The following FSD1 variants were observed in gnomAD, a reference collection of about 807,000 sequenced individuals.
FSD1 encodes fibronectin type III and SPRY domain containing 1.
In FSD1, 23 loss-of-function variants were observed where a neutral mutation model predicts 58.2. The observed-to-expected ratio is 0.40, with a 90% CI of 0.28 to 0.56. The LOEUF is 0.56. Ranked by LOEUF, FSD1 falls within the 20% of genes least tolerant of loss-of-function variation. FSD1 has a pLI of 0.54. For synonymous variants in FSD1, 265 were observed against 263.4 expected, an observed-to-expected ratio of 1.01 and a Z score of -0.06; for missense variants, 563 against 670.8, an observed-to-expected ratio of 0.84 and a Z score of 1.78.
intron 6 of FSD1, 183 bp downstream of exon 6, chr19:4,310,779 G>A: frequency 3.2e-6 from 2 of 630,836 alleles, no homozygotes; most frequent in Non-Finnish European, 5.4e-6. Context: ...CCCGCCCCTG[G>A]GTGGAGCCAT....
chr19:4,322,925 G>A (rs1301876817), intron 10 of FSD1, 61 bp from the exon 11 acceptor site: 17 of 1,541,072 alleles, frequency 1.1e-5, no homozygotes, highest in Non-Finnish European at 1.4e-5. Context: ...CTTTGTGGAA[G>A]GGCATCTGTG....
rs376322971 is a variant in FSD1 at position 4,318,915 on chromosome 19, C to T, written c.1003C>T (p.Arg335Trp). Reference protein sequence around the residue: ...PKRMPSGRGGRDRFTAESYTV... With the variant: ...PKRMPSGRGGWDRFTAESYTV... ...GAGGATGCCCTCAGGTCGTGGGGGA[C>T]GGGACCGCTTCACCGCTGAGTCCTA... The change falls in exon 10 of 13, where the codon CGG (arginine) becomes TGG (tryptophan). Residue 335 changes from arginine to tryptophan, a missense_variant. Arg to Trp is a moderately radical substitution (Grantham distance 101). Transcript: ENST00000221856. 23 of 1,613,246 alleles carry T rather than the reference C, an allele frequency of 1.4e-5. No individual in the cohort carries two copies. Among genetic ancestry groups the T allele is most frequent in the East Asian group, 6.7e-5 (3 of 44,850 alleles).
At position 4,323,000 on chromosome 19, in the gene FSD1, G is replaced by T; in HGVS notation, c.1054G>T (p.Asp352Tyr). Residue 352 changes from aspartate to tyrosine, a missense_variant, in exon 11 of 13, where the codon GAC (aspartate) becomes TAC (tyrosine). By Grantham distance (160) the Asp-to-Tyr change is radical (BLOSUM62 -3). Coordinates refer to ENST00000221856, the MANE Select transcript of FSD1 (RefSeq NM_024333.3). ...CTGCGCCACAGGGGACACGCTGATCGACGGCGGGGAGCATTACTGGGAGGT... is the reference window on the plus strand; with the variant it reads ...CTGCGCCACAGGGGACACGCTGATCTACGGCGGGGAGCATTACTGGGAGGT... The part of the protein sequence containing the change: ...SYTVLGDTLI[D>Y]GGEHYWEVRY... The T allele has an allele frequency of 1.2e-6, 2 of 1,610,900 alleles. No homozygotes were observed. Among genetic ancestry groups the T allele is most frequent in the Non-Finnish European group, 1.7e-6 (2 of 1,178,864 alleles).
chr19:4,304,830 G>A (rs1007986197), intron 1 of FSD1, 69 bp downstream of exon 1: 7 of 517,386 alleles, frequency 1.4e-5, no homozygotes, highest in African/African-American at 8.0e-5. Context: ...AGGTGTTGCC[G>A]CAGCGCCCCC....
intron 9 of FSD1, 69 bp downstream of exon 9, chr19:4,318,574 A>C (rs1203968579): frequency 7.1e-7 from 1 of 1,403,862 alleles, no homozygotes; most frequent in Non-Finnish European, 9.6e-7. Flanking sequence ...CACAGAGCCC[A>C]GTGTGGTCAG....
chr19:4,321,807 A>G (rs192894202), intron 10 of FSD1, among the ~76,000 whole-genome samples: 169 of 147,716 alleles, frequency 1.1e-3, no homozygotes, highest in Non-Finnish European at 1.8e-3. Context: ...GGGAGGAATA[A>G]CTTGGATCCC....
At chr19:4,314,894 C>G (rs1971736677) in intron 7 of FSD1, among the ~76,000 whole-genome samples, 1 of 152,222 alleles carries the variant, frequency 6.6e-6, no homozygotes, top group Admixed American at 6.5e-5. Context: ...TCTCTTCTGT[C>G]ACTACGAGGC....
Position 4,323,507 on chromosome 19 carries a change from T to TC in FSD1, c.1381-20dup. 3.7e-6 allele frequency: 3 copies of TC among 818,386 alleles called. No individual in the cohort carries two copies. The highest frequency in any genetic ancestry group is 4.3e-6 in the Non-Finnish European group (2 of 468,600). 50.7% of individuals were successfully genotyped at this position (818,386 alleles called of 1,614,324 possible). On this transcript the variant is annotated intron_variant, in intron 12 of 12. Transcript: ENST00000221856. This position sits in a 1 kb window ranked among gnomAD's most constrained non-coding sequence, Gnocchi z 7.7. ...GCGCTGGGGTTTGAAGCTGAGCCCC[T>TC]CCCCCCTCCCCCCGCTGTCCCTCAG...
intron 7 of FSD1, among the ~76,000 whole-genome samples, chr19:4,316,537 ATTAT>A (rs557791083): frequency 6.5e-4 from 99 of 151,806 alleles, no homozygotes; most frequent in Non-Finnish European, 1.2e-3. Context: ...TTTATTTTTT[ATTAT>A]TTATTTATTT....
At position 4,318,471 on chromosome 19, in the gene FSD1, G is replaced by A. The variant is rs1333279548; in HGVS notation, c.925G>A (p.Gly309Arg). Residue 309 changes from glycine to arginine, a missense_variant, in exon 9 of 13, where the codon GGG becomes AGG. Coordinates refer to ENST00000221856, the MANE Select transcript of FSD1 (RefSeq NM_024333.3). ...CAAGGCTCGCGAGAAAGATGGCAAG[G>A]GGCGGACGGCGTCTCCCATCAACTC... The part of the protein sequence containing the change: ...DIKAREKDGK[G>R]RTASPINSPA... 1.2e-6 allele frequency: 2 copies of A among 1,613,186 alleles called. No homozygotes were observed. Among genetic ancestry groups the A allele is most frequent in the Non-Finnish European group, 1.7e-6 (2 of 1,179,644 alleles).
Position 4,323,428 on chromosome 19 carries a change from G to A in FSD1, c.1372G>A (p.Ala458Thr). 7 of 1,613,650 alleles carry A rather than the reference G, an allele frequency of 4.3e-6. No individual in the cohort carries two copies. The South Asian group carries it at 4.4e-5, about 10-fold the overall frequency. Residue 458 changes from alanine (A) to threonine (T), a missense_variant, in exon 12 of 13, where the codon GCT becomes ACT. Transcript: ENST00000221856. The surrounding 1 kb of genome is among the most constrained non-coding windows in gnomAD (Gnocchi z 7.7). ...CAGGTTCACACAGCCGCTGCTGCCT[G>A]CTTTCACGGTGAGCTGCCCTCCGCG... The part of the protein sequence containing the change: ...KTRFTQPLLP[A>T]FTVWCGSFQV...
At position 4,317,401 on chromosome 19, in the gene FSD1, G is replaced by C. The variant is rs559505514; in HGVS notation, c.799+121G>C. 11 of 654,996 alleles carry C rather than the reference G, an allele frequency of 1.7e-5. No individual in the cohort carries two copies. The African/African-American group carries it at 2.0e-4, about 12-fold the overall frequency. The allele number at this position is 654,996 out of a possible 1,614,324, so 40.6% of individuals were successfully genotyped here. On this transcript the variant is annotated intron_variant, in intron 8 of 12. Coordinates refer to ENST00000221856, the MANE Select transcript of FSD1 (RefSeq NM_024333.3). ...TGGCTGCCAGGAAGCTCAAAGCTCC[G>C]TCCACAGTTGGCTTCCTTAGCCTGA...
rs182808531 is a variant in FSD1, at chr19:4,312,729, C to T, written c.700+678C>T. ...CTGAGGCAGGAGAATGGCGTGAACT[C>T]GGGAGGCGGAGCTTGCAGTGAGCCT... On this transcript the variant is annotated intron_variant, in intron 7 of 12. Coordinates refer to ENST00000221856, the MANE Select transcript of FSD1 (RefSeq NM_024333.3). Among the ~76,000 whole-genome samples, 457 of 151,772 alleles carry T rather than the reference C, an allele frequency of 3.0e-3. 1 individual carries two copies. The highest frequency in any genetic ancestry group is 0.012 in the South Asian group (58 of 4,802).
intron 4 of FSD1, among the ~76,000 whole-genome samples, chr19:4,309,559 C>A (rs1394015078): frequency 1.3e-5 from 2 of 152,166 alleles, no homozygotes; most frequent in Non-Finnish European, 2.9e-5. Context: ...TTGGCAAATA[C>A]CTTCCTCGAG....
chr19:4,315,832 T>A (rs1799107464), intron 7 of FSD1, among the ~76,000 whole-genome samples: 1 of 151,706 alleles, frequency 6.6e-6, no homozygotes, highest in Non-Finnish European at 1.5e-5. Flanking sequence ...GGCTGGTCTC[T>A]TGGCCAGGCT....
intron 3 of FSD1, among the ~76,000 whole-genome samples, 198 bp from the exon 4 acceptor site, chr19:4,307,684 G>A (rs1380176568): frequency 6.6e-6 from 1 of 152,116 alleles, no homozygotes; most frequent in African/African-American, 2.4e-5. Context: ...TGTTTTTAGG[G>A]AAGGGATTCC....
intron 10 of FSD1, among the ~76,000 whole-genome samples, chr19:4,320,138 G>A (rs1425912586): frequency 6.6e-6 from 1 of 152,014 alleles, no homozygotes; most frequent in Non-Finnish European, 1.5e-5. Flanking sequence ...TATCTGGCTT[G>A]GGGAATGCCT....
At chr19:4,316,315 G>A (rs944911000) in intron 7 of FSD1, among the ~76,000 whole-genome samples, 34 of 151,808 alleles carry the variant, frequency 2.2e-4, no homozygotes, top group Admixed American at 8.5e-4. Flanking sequence ...TCTGCCTCCC[G>A]GGTTCAAGTG....
At position 4,323,343 on chromosome 19, in the gene FSD1, C is replaced by G; in HGVS notation, c.1292-5C>G. The G allele has an allele frequency of 6.2e-7, 1 of 1,613,492 alleles. No homozygotes were observed. Among genetic ancestry groups the G allele is most frequent in the African/African-American group, 1.3e-5 (1 of 75,008 alleles). On this transcript the variant is annotated splice_polypyrimidine_tract_variant and splice_region_variant and intron_variant, in intron 11 of 12. Transcript: ENST00000221856. The surrounding 1 kb of genome is among the most constrained non-coding windows in gnomAD (Gnocchi z 7.7). ...TCCCACTGTCACTCTGCCCCCCGACCCCAGGCCTCCTGTCCTTCTACAATG... is the reference window on the plus strand; with the variant it reads ...TCCCACTGTCACTCTGCCCCCCGACGCCAGGCCTCCTGTCCTTCTACAATG...
Sources: allele counts gnomAD v4.1 joint callset (sites outside exome capture counted in the v4.1 genomes callset), GRCh38; gene constraint gnomAD v4.1.1; non-coding constraint Gnocchi (gnomAD v3.1); transcripts MANE v1.5; gene names NCBI Gene and HGNC (gene_info 2026-07-23, HGNC 2026-07-21).